JARID2: variants seen among roughly 807,000 people sequenced by gnomAD.
The protein encoded by JARID2 is protein Jumonji.
JARID2 carries 21 observed loss-of-function variants against 125.6 expected under a neutral mutation model. That is an observed-to-expected ratio of 0.17 (90% confidence interval 0.12 to 0.24). The LOEUF (loss-of-function observed/expected upper bound fraction) is 0.24, where lower values mean the gene tolerates loss of function less well. JARID2 is among the 10% of genes least tolerant of loss of function. JARID2 has a pLI of 1.00. For synonymous variants in JARID2, 736 were observed against 661.6 expected (o/e 1.11, Z -1.73); for missense variants, 1,303 against 1,639.6 (o/e 0.79, Z 3.55).
intron 2 of JARID2, among the ~76,000 whole-genome samples, chr6:15,404,474 T>G (rs1428634416): frequency 6.6e-6 from 1 of 150,816 alleles, no homozygotes; most frequent in Non-Finnish European, 1.5e-5. Context: ...GGGCCCTACC[T>G]CAGCCATGGG....
intron 3 of JARID2, among the ~76,000 whole-genome samples, chr6:15,415,456 C>T (rs1581528559): frequency 2.4e-5 from 3 of 126,194 alleles, no homozygotes; most frequent in African/African-American, 7.7e-5. Flanking sequence ...GACACCCCCA[C>T]CTCCCTCCCG....
At chr6:15,504,696 A>G (rs917047808) in intron 9 of JARID2, 104 bp downstream of exon 9, 1 of 737,998 alleles carries the variant, frequency 1.4e-6, no homozygotes, top group African/African-American at 1.7e-5. Flanking sequence ...GGTGAACGGA[A>G]AGGACTCAGA....
chr6:15,330,249 A>G (rs1762663210), intron 1 of JARID2, among the ~76,000 whole-genome samples: 1 of 152,214 alleles, frequency 6.6e-6, no homozygotes, highest in South Asian at 2.1e-4. Context: ...GCTAAATTGG[A>G]ATCGTGCTTG....
chr6:15,462,571 T>C (rs1415507224), intron 4 of JARID2, among the ~76,000 whole-genome samples: 1 of 152,262 alleles, frequency 6.6e-6, no homozygotes, highest in Non-Finnish European at 1.5e-5. Context: ...AAGTTTTGTT[T>C]CTTAATTTGA....
chr6:15,331,506 A>G (rs1403775683), intron 1 of JARID2, among the ~76,000 whole-genome samples: 1 of 152,164 alleles, frequency 6.6e-6, no homozygotes, highest in African/African-American at 2.4e-5. Context: ...TGCATTTGTC[A>G]AAACCTGTAG....
chr6:15,246,250 T>TG lies in JARID2; in HGVS notation c.-290_-289insG, dbSNP rs1554114482. ...GGGAGTGAAGGGCGTCGGTTTTTTT[T>TG]TGTGTGTGTGTGTATGTGTTTCGGG... On this transcript the variant is annotated 5_prime_UTR_variant, in exon 1 of 18. Transcript: ENST00000341776. 2 of 464,804 alleles carry TG rather than the reference T, an allele frequency of 4.3e-6. No homozygotes were observed. The highest frequency in any genetic ancestry group is 5.7e-4 in the Middle Eastern group (1 of 1,766). 28.8% of individuals were successfully genotyped at this position (464,804 alleles called of 1,614,324 possible).
chr6:15,322,686 C>T (rs1234716797), intron 1 of JARID2, among the ~76,000 whole-genome samples: 1 of 152,162 alleles, frequency 6.6e-6, no homozygotes, highest in Non-Finnish European at 1.5e-5. Flanking sequence ...CAAAACTTCT[C>T]TCTTTAAGTC....
chr6:15,296,508 G>GTGACAGTATTCTCTCTCCCTTATCC (rs896247054), intron 1 of JARID2, among the ~76,000 whole-genome samples: 6 of 152,070 alleles, frequency 3.9e-5, no homozygotes, highest in African/African-American at 1.4e-4. Flanking sequence ...GCATATTTGT[G>GTGACAGTATTCTCTCTCCCTTATCC]TGACAGTATT....
At chr6:15,486,824 T>TTTTTTTTTTTTTA (rs1769890864) in intron 5 of JARID2, among the ~76,000 whole-genome samples, 2 of 148,178 alleles carry the variant, frequency 1.3e-5, no homozygotes, top group Admixed American at 6.7e-5. Context: ...TTTTTTTTTT[T>TTTTTTTTTTTTTA]GAGACAGAGT....
At chr6:15,431,301 A>G (rs1295232555) in intron 3 of JARID2, among the ~76,000 whole-genome samples, 1 of 152,150 alleles carries the variant, frequency 6.6e-6, no homozygotes. Flanking sequence ...TTCCTGATTA[A>G]TGTTTTGAAA....
intron 1 of JARID2, among the ~76,000 whole-genome samples, chr6:15,359,614 C>T (rs190082722): frequency 6.6e-6 from 1 of 151,826 alleles, no homozygotes; most frequent in Admixed American, 6.6e-5. Flanking sequence ...CTGTGGGTAG[C>T]GGTGGGGGGT....
chr6:15,253,666 T>TTAAA (rs1561748123), intron 1 of JARID2, among the ~76,000 whole-genome samples: 1 of 152,044 alleles, frequency 6.6e-6, no homozygotes, highest in East Asian at 1.9e-4. Context: ...CAGATTTTAC[T>TTAAA]ATTTTAAGGG....
intron 4 of JARID2, among the ~76,000 whole-genome samples, chr6:15,465,811 T>C: frequency 6.9e-6 from 1 of 144,748 alleles, no homozygotes; most frequent in East Asian, 2.0e-4. Context: ...TGTTTGTTTG[T>C]TTGTTTTTTT....
intron 1 of JARID2, among the ~76,000 whole-genome samples, chr6:15,296,637 A>G (rs992301965): frequency 3.9e-5 from 6 of 152,166 alleles, no homozygotes; most frequent in South Asian, 4.1e-4. Context: ...TTCAGTGTCT[A>G]TTTCCTAAAA....
At position 15,520,468 on chromosome 6, in the gene JARID2, G is replaced by A. The variant is rs1186718133; in HGVS notation, c.*217G>A. 2.9e-5 allele frequency: 13 copies of A among 446,190 alleles called. No homozygotes were observed. Among genetic ancestry groups the A allele is most frequent in the Admixed American group, 8.0e-5 (2 of 24,916 alleles). The allele number at this position is 446,190 out of a possible 1,614,324, so 27.6% of individuals were successfully genotyped here. A position where few individuals can be genotyped will look rare whatever the true frequency, so the allele number is the denominator to read the frequency against. ...CTGCAGTCAGATTTTGGAAACTGCC[G>A]TATAGTCACTGTTTTAAAAACCCCG... On this transcript the variant is annotated 3_prime_UTR_variant, in exon 18 of 18. Coordinates refer to ENST00000341776, the MANE Select transcript of JARID2 (RefSeq NM_004973.4).
At chr6:15,337,234 T>C (rs755501109) in intron 1 of JARID2, among the ~76,000 whole-genome samples, 3 of 152,202 alleles carry the variant, frequency 2.0e-5, no homozygotes, top group Non-Finnish European at 2.9e-5. Context: ...ATGGCTCTTA[T>C]CTCTTTCCTT....
intron 1 of JARID2, among the ~76,000 whole-genome samples, chr6:15,318,046 C>T (rs1255784282): frequency 6.6e-6 from 1 of 152,104 alleles, no homozygotes; most frequent in African/African-American, 2.4e-5. Context: ...AATATATCAG[C>T]TGTGAGAATA....
rs757186436 is a variant in JARID2 at position 15,496,379 on chromosome 6, A to C, written c.1154A>C (p.Lys385Thr). 5.0e-6 allele frequency: 8 copies of C among 1,614,122 alleles called. No homozygotes were observed. In the East Asian group the frequency reaches 1.8e-4, roughly 36 times the overall value. Residue 385 changes from lysine (K) to threonine (T), a missense_variant, in exon 7 of 18, where the codon AAA (lysine) becomes ACA (threonine). Coordinates refer to ENST00000341776, the MANE Select transcript of JARID2 (RefSeq NM_004973.4). Reference protein sequence around the residue: ...ISGKTESSNAKTRKQVLSLGG... With the variant: ...ISGKTESSNATTRKQVLSLGG... ...GGGAAAACTGAAAGTAGCAATGCAA[A>C]AACCCGCAAACAGGTGCTATCCCTC...
At chr6:15,255,835 C>G (rs1329509709) in intron 1 of JARID2, among the ~76,000 whole-genome samples, 2 of 152,070 alleles carry the variant, frequency 1.3e-5, no homozygotes, top group Non-Finnish European at 2.9e-5. Flanking sequence ...GTGTATATGC[C>G]TTATTACTGC....
Sources: allele counts gnomAD v4.1 joint callset (sites outside exome capture counted in the v4.1 genomes callset), GRCh38; gene constraint gnomAD v4.1.1; transcripts MANE v1.5; gene names NCBI Gene and HGNC (gene_info 2026-07-23, HGNC 2026-07-21).